Variants in KSR1 observed in about 807,000 individuals in gnomAD.
KSR1 encodes kinase suppressor of ras 1.
KSR1 carries 35 observed loss-of-function variants against 92.9 expected under a neutral mutation model. The observed-to-expected ratio is 0.38, with a 90% CI of 0.29 to 0.50. KSR1 has a LOEUF of 0.50. Among genes scored for constraint, KSR1 ranks in the 20% least tolerant of loss-of-function variants. KSR1 has a pLI of 0.94. For synonymous variants in KSR1, 467 were observed against 472.6 expected (o/e 0.99, Z 0.15); for missense variants, 972 against 1,158.5 (o/e 0.84, Z 2.34).
Position 27,459,683 on chromosome 17 carries a change from A to G in KSR1, c.231+2809A>G, listed in dbSNP as rs2019342974. Among the ~76,000 whole-genome samples the G allele has an allele frequency of 6.6e-6, 1 of 152,220 alleles. No individual in the cohort carries two copies. Among genetic ancestry groups the G allele is most frequent in the Non-Finnish European group, 1.5e-5 (1 of 68,044 alleles). ...TGGCCTGTGCAACTGCATCGGACTT[A>G]TCTAGAATCTGAGGAGCCCCAGCTC... On this transcript the variant is annotated intron_variant, in intron 1 of 20. Coordinates refer to ENST00000644974, the MANE Select transcript of KSR1 (RefSeq NM_001394583.1). The surrounding 1 kb of genome is among the most constrained non-coding windows in gnomAD (Gnocchi z 4.6).
chr17:27,609,005 T>G (rs779915161), intron 15 of KSR1, among the ~76,000 whole-genome samples, 191 bp from the exon 16 acceptor site: 3 of 152,212 alleles, frequency 2.0e-5, no homozygotes, highest in African/African-American at 4.8e-5. Flanking sequence ...CAGCTCTGCT[T>G]CTTCACTGCT....
In KSR1 at chr17:27,459,948, G is replaced by T. The variant is rs147183367; in HGVS notation, c.231+3074G>T. 2.0e-4 allele frequency among the ~76,000 whole-genome samples: 31 copies of T among 152,310 alleles called. No individual in the cohort carries two copies. The East Asian group carries it at 6.0e-3, about 29-fold the overall frequency. ...TGCCTGTGTGCCTAGCAGCGTGCCT[G>T]ACTCTTCTCAAACTCACACACGTTC... On this transcript the variant is annotated intron_variant, in intron 1 of 20. Coordinates refer to ENST00000644974, the MANE Select transcript of KSR1 (RefSeq NM_001394583.1). This position sits in a 1 kb window ranked among gnomAD's most constrained non-coding sequence, Gnocchi z 4.6.
At chr17:27,511,856 A>G (rs1186793988) in intron 1 of KSR1, among the ~76,000 whole-genome samples, 1 of 152,244 alleles carries the variant, frequency 6.6e-6, no homozygotes, top group Non-Finnish European at 1.5e-5. Context: ...CACACGTGGC[A>G]ATTCTTAAAA....
At chr17:27,552,712 C>G (rs1429892354) in intron 2 of KSR1, among the ~76,000 whole-genome samples, 1 of 152,206 alleles carries the variant, frequency 6.6e-6, no homozygotes, top group Non-Finnish European at 1.5e-5. Context: ...ACGTCCTTTT[C>G]ATTCATGAAG....
At chr17:27,462,535 A>G (rs530073081) in intron 1 of KSR1, among the ~76,000 whole-genome samples, 9 of 152,330 alleles carry the variant, frequency 5.9e-5, no homozygotes, top group South Asian at 4.1e-4. Context: ...TCTCAGCACC[A>G]TGATGCAGCC....
At chr17:27,500,907 T>A (rs2069154598) in intron 1 of KSR1, among the ~76,000 whole-genome samples, 1 of 152,218 alleles carries the variant, frequency 6.6e-6, no homozygotes, top group South Asian at 2.1e-4. Flanking sequence ...TATCAGGAGA[T>A]CAAGCTTATG....
intron 1 of KSR1, among the ~76,000 whole-genome samples, chr17:27,508,316 TTGAC>T (rs1281358010): frequency 6.6e-6 from 1 of 152,180 alleles, no homozygotes; most frequent in African/African-American, 2.4e-5. Context: ...ATGGTTATCA[TTGAC>T]TGGGTGCCTA....
chr17:27,596,728 T>C (rs1014432337), intron 9 of KSR1, among the ~76,000 whole-genome samples: 2 of 152,266 alleles, frequency 1.3e-5, no homozygotes, highest in Admixed American at 6.5e-5. Flanking sequence ...CTCTCGCTTA[T>C]CATTGGTCTC....
chr17:27,554,622 A>G (rs2071524049), intron 2 of KSR1, among the ~76,000 whole-genome samples: 1 of 152,308 alleles, frequency 6.6e-6, no homozygotes, highest in Non-Finnish European at 1.5e-5. Flanking sequence ...TTGCAGGAAA[A>G]CAAGCTCAGG....
Position 27,582,689 on chromosome 17 carries a change from G to A in KSR1, c.564G>A (p.Ala188=), listed in dbSNP as rs201746237. 995 of 1,613,290 alleles carry A rather than the reference G, an allele frequency of 6.2e-4. 8 individuals carry two copies. The highest frequency in any genetic ancestry group is 3.3e-4 in the Middle Eastern group (2 of 6,048). ...KEDSSWSSLD[A]RRESGSGPST... Reference sequence around the variant, plus strand: ...ACTCCAGTTGGAGTTCATTGGATGCGCGGCGGGAAAGTGGCTCAGGGCCTT... The same window carrying A: ...ACTCCAGTTGGAGTTCATTGGATGCACGGCGGGAAAGTGGCTCAGGGCCTT... The change falls in exon 4 of 21, where the codon GCG becomes GCA. Residue 188 remains alanine (A), a synonymous_variant. Transcript: ENST00000644974.
chr17:27,542,447 A>G (rs1185224503), intron 1 of KSR1, among the ~76,000 whole-genome samples: 1 of 152,158 alleles, frequency 6.6e-6, no homozygotes, highest in East Asian at 1.9e-4. Flanking sequence ...TGTGGCAGCC[A>G]ACGACCAAAG....
chr17:27,544,784 C>T (rs1356563458), intron 1 of KSR1, among the ~76,000 whole-genome samples: 1 of 152,204 alleles, frequency 6.6e-6, no homozygotes, highest in Non-Finnish European at 1.5e-5. Flanking sequence ...GAAAGGTCCC[C>T]TTTTAGGCCC....
Position 27,487,996 on chromosome 17 carries a change from C to T in KSR1, c.231+31122C>T, listed in dbSNP as rs576804271. Among the ~76,000 whole-genome samples the T allele has an allele frequency of 4.6e-5, 7 of 152,356 alleles. No individual in the cohort carries two copies. The East Asian group carries it at 1.3e-3, about 29-fold the overall frequency. On this transcript the variant is annotated intron_variant, in intron 1 of 20. Coordinates refer to ENST00000644974, the MANE Select transcript of KSR1 (RefSeq NM_001394583.1). ...ACCTCCAACATCGGGGACCACATTTCACCATGAGACTTGGAGGGGACAAAT... is the reference window on the plus strand; with the variant it reads ...ACCTCCAACATCGGGGACCACATTTTACCATGAGACTTGGAGGGGACAAAT...
At chr17:27,516,168 T>C (rs1050777854) in intron 1 of KSR1, among the ~76,000 whole-genome samples, 10 of 152,252 alleles carry the variant, frequency 6.6e-5, no homozygotes, top group Non-Finnish European at 2.9e-5. Flanking sequence ...GACGTTGGGC[T>C]AGTTACCTGA....
chr17:27,588,972 C>T (rs1428595438), intron 6 of KSR1, among the ~76,000 whole-genome samples: 1 of 152,168 alleles, frequency 6.6e-6, no homozygotes, highest in African/African-American at 2.4e-5. Flanking sequence ...TCCCCTCACC[C>T]CCAGTGTTGA....
chr17:27,483,121 G>T (rs541947108), intron 1 of KSR1, among the ~76,000 whole-genome samples: 1 of 152,100 alleles, frequency 6.6e-6, no homozygotes, highest in African/African-American at 2.4e-5. Flanking sequence ...TAAAAAAATA[G>T]ATTTTTTTTT....
chr17:27,487,585 T>TAA (rs1567755340), intron 1 of KSR1, among the ~76,000 whole-genome samples: 1 of 72,430 alleles, frequency 1.4e-5, no homozygotes, highest in East Asian at 2.0e-3. Context: ...CCCATCTCTT[T>TAA]TAAAAAAAAA....
At chr17:27,620,125 G>T (rs1319034793) in intron 19 of KSR1, among the ~76,000 whole-genome samples, 1 of 152,234 alleles carries the variant, frequency 6.6e-6, no homozygotes, top group African/African-American at 2.4e-5. Flanking sequence ...TTCAGGCCAG[G>T]TAGAGGGATG....
intron 1 of KSR1, among the ~76,000 whole-genome samples, chr17:27,520,073 C>A (rs538242697): frequency 6.6e-6 from 1 of 152,276 alleles, no homozygotes; most frequent in South Asian, 2.1e-4. Context: ...CTTTGTTGCA[C>A]CCTTTATACC....
Sources: gnomAD v4.1 joint callset for allele counts (sites outside exome capture counted in the v4.1 genomes callset) on GRCh38, gnomAD v4.1.1 for gene constraint, Gnocchi (gnomAD v3.1) non-coding constraint, MANE v1.5 for transcripts, NCBI Gene and HGNC (gene_info 2026-07-23, HGNC 2026-07-21) for gene names.